Variants in TCF12 observed in about 807,000 individuals in gnomAD.
TCF12 encodes DNA-binding protein HTF4.
Under a neutral mutation model 86.0 loss-of-function variants are expected in TCF12, and 45 were observed. That is an observed-to-expected ratio of 0.52 (90% CI 0.41 to 0.67). The LOEUF (loss-of-function observed/expected upper bound fraction) is 0.67. Ranked by LOEUF, TCF12 falls within the 30% of genes least tolerant of loss-of-function variation. The pLI, the probability that TCF12 is intolerant of heterozygous loss-of-function variation, is 0.00. For missense variants in TCF12, 881 were observed against 859.9 expected, an observed-to-expected ratio of 1.02 and a Z score of -0.31; for synonymous variants, 330 against 299.6, an observed-to-expected ratio of 1.10 and a Z score of -1.05.
chr15:57,032,647 G>A (rs1460231254), intron 3 of TCF12, among the ~76,000 whole-genome samples: 1 of 152,118 alleles, frequency 6.6e-6, no homozygotes, highest in Non-Finnish European at 1.5e-5. Context: ...GTCTCACTAT[G>A]TTGCCCAGGC....
rs1316256982 is a variant in TCF12 at position 57,262,161 on chromosome 15, C to G, written c.1535C>G (p.Thr512Ser). The change falls in exon 17 of 21, where the codon ACT becomes AGT. Residue 512 changes from threonine (T) to serine (S), a missense_variant. Thr to Ser is a moderately conservative substitution (Grantham distance 58, BLOSUM62 1). Transcript: ENST00000333725. Reference protein sequence around the residue: ...GNHSVLSSTVTTSSTDLNHKT... With the variant: ...GNHSVLSSTVSTSSTDLNHKT... ...CATTCAGTCCTGTCTAGTACAGTCA[C>G]TACTTCAAGCACAGACCTGAACCAT... is the stretch of plus-strand genomic sequence containing the variant. 6.2e-7 allele frequency: 1 copy of G among 1,613,684 alleles called. No individual in the cohort carries two copies. Among genetic ancestry groups the G allele is most frequent in the Admixed American group, 1.7e-5 (1 of 60,012 alleles).
chr15:56,949,929 C>T (rs2061188364), intron 3 of TCF12, among the ~76,000 whole-genome samples: 3 of 152,166 alleles, frequency 2.0e-5, no homozygotes, highest in Non-Finnish European at 4.4e-5. Context: ...GGGAAAGGCT[C>T]TAGATTTACT....
At chr15:57,012,766 C>G (rs1314152710) in intron 3 of TCF12, among the ~76,000 whole-genome samples, 1 of 152,182 alleles carries the variant, frequency 6.6e-6, no homozygotes, top group Non-Finnish European at 1.5e-5. Context: ...GCAATCTGCT[C>G]AGGCAGCCTG....
At chr15:57,152,316 TAACAA>T (rs2053821435) in intron 5 of TCF12, among the ~76,000 whole-genome samples, 1 of 152,048 alleles carries the variant, frequency 6.6e-6, no homozygotes, top group South Asian at 2.1e-4. Flanking sequence ...GCAAAACAGT[TAACAA>T]AACAAGACTC....
intron 3 of TCF12, among the ~76,000 whole-genome samples, chr15:57,015,947 G>C (rs1424453484): frequency 1.3e-5 from 2 of 152,160 alleles, no homozygotes; most frequent in African/African-American, 4.8e-5. Flanking sequence ...GACTTGTATT[G>C]TAAGAGTGAT....
chr15:57,144,916 G>T (rs1188712374), intron 5 of TCF12, among the ~76,000 whole-genome samples: 1 of 151,986 alleles, frequency 6.6e-6, no homozygotes, highest in African/African-American at 2.4e-5. Context: ...TAACTTCTTT[G>T]TGCACATGTT....
chr15:57,118,318 C>T (rs1349425941), intron 5 of TCF12: 1 of 152,200 alleles, frequency 6.6e-6, no homozygotes, highest in African/African-American at 2.4e-5. Context: ...ACTCTTATTT[C>T]TGTTAACCCA....
intron 3 of TCF12, among the ~76,000 whole-genome samples, chr15:57,006,324 G>A (rs144703420): frequency 3.0e-3 from 447 of 151,256 alleles, no homozygotes; most frequent in African/African-American, 0.01. Flanking sequence ...TTTTTTTTGA[G>A]ATGGAGTTTC....
intron 11 of TCF12, among the ~76,000 whole-genome samples, chr15:57,233,821 G>A (rs1375817913): frequency 1.3e-5 from 2 of 152,138 alleles, no homozygotes; most frequent in Non-Finnish European, 2.9e-5. Flanking sequence ...ATTTAAAAGT[G>A]AAAGACAGGA....
chr15:57,060,745 A>T (rs1385470510), intron 3 of TCF12, among the ~76,000 whole-genome samples: 1 of 152,044 alleles, frequency 6.6e-6, no homozygotes, highest in East Asian at 1.9e-4. Flanking sequence ...GTCAATAGGT[A>T]TTTTTTTCAG....
At chr15:56,977,881 C>CT (rs1567195411) in intron 3 of TCF12, among the ~76,000 whole-genome samples, 1 of 152,144 alleles carries the variant, frequency 6.6e-6, no homozygotes, top group South Asian at 2.1e-4. Flanking sequence ...ACTTCATCCT[C>CT]AGAGTTTTCA....
At chr15:57,082,651 G>C (rs1344229881) in intron 4 of TCF12, among the ~76,000 whole-genome samples, 1 of 152,154 alleles carries the variant, frequency 6.6e-6, no homozygotes, top group African/African-American at 2.4e-5. Flanking sequence ...AGGGGATTTT[G>C]GAAGCCACCT....
chr15:57,102,552 C>T (rs1233753824), intron 5 of TCF12, among the ~76,000 whole-genome samples: 1 of 150,792 alleles, frequency 6.6e-6, no homozygotes, highest in African/African-American at 2.4e-5. Context: ...GAGCCAAGAT[C>T]GCATGACTGC....
intron 3 of TCF12, among the ~76,000 whole-genome samples, chr15:57,048,265 T>A (rs1358486398): frequency 6.6e-6 from 1 of 152,108 alleles, no homozygotes; most frequent in Admixed American, 6.5e-5. Context: ...TTTTGTTTTG[T>A]TTTGTTTTGT....
intron 3 of TCF12, among the ~76,000 whole-genome samples, chr15:57,014,617 T>G (rs1207841285): frequency 6.6e-6 from 1 of 152,130 alleles, no homozygotes; most frequent in African/African-American, 2.4e-5. Flanking sequence ...TTTTTCTTTT[T>G]CTTTCTCTCA....
intron 4 of TCF12, among the ~76,000 whole-genome samples, chr15:57,068,113 G>C (rs1454628891): frequency 6.6e-6 from 1 of 151,980 alleles, no homozygotes; most frequent in African/African-American, 2.4e-5. Context: ...GGTATAAATC[G>C]TAACTCTGCC....
At chr15:57,085,122 A>G (rs1282309150) in intron 4 of TCF12, among the ~76,000 whole-genome samples, 2 of 152,210 alleles carry the variant, frequency 1.3e-5, no homozygotes, top group Non-Finnish European at 2.9e-5. Context: ...CTATAAAACT[A>G]CTTAGCATTC....
intron 5 of TCF12, among the ~76,000 whole-genome samples, chr15:57,117,495 T>C (rs1428703120): frequency 6.6e-6 from 1 of 152,226 alleles, no homozygotes; most frequent in African/African-American, 2.4e-5. Context: ...TGAGCAAAAC[T>C]TCTTTGTTAC....
chr15:57,199,620 G>A (rs12904602), intron 8 of TCF12, among the ~76,000 whole-genome samples: 65,503 of 151,936 alleles, frequency 0.43, 15,688 homozygotes, highest in East Asian at 0.64. Context: ...ATTCGTAATC[G>A]TAATAACATT....
Sources: gnomAD v4.1 joint callset for allele counts (sites outside exome capture counted in the v4.1 genomes callset) on GRCh38, gnomAD v4.1.1 for gene constraint, MANE v1.5 for transcripts, NCBI Gene and HGNC (gene_info 2026-07-23, HGNC 2026-07-21) for gene names.